Variants in TNFRSF13B observed in about 807,000 individuals in gnomAD.
TNFRSF13B encodes TNF receptor superfamily member 13B, also known as tumor necrosis factor receptor superfamily member 13B.
In TNFRSF13B, 34 loss-of-function variants were observed where a neutral mutation model predicts 24.0. That is an observed-to-expected ratio of 1.41 (90% CI 1.08 to 1.88). The LOEUF is 1.88. Ranked by LOEUF, TNFRSF13B falls within the 40% of genes most tolerant of loss-of-function variation. The pLI, the probability that TNFRSF13B is intolerant of heterozygous loss-of-function variation, is 0.00. For synonymous variants in TNFRSF13B, 173 were observed against 150.3 expected (o/e 1.15, Z -1.10); for missense variants, 415 against 380.8 (o/e 1.09, Z -0.75).
intron 1 of TNFRSF13B, among the ~76,000 whole-genome samples, chr17:16,969,762 A>G (rs1359301209): frequency 6.6e-6 from 1 of 152,178 alleles, no homozygotes; most frequent in Non-Finnish European, 1.5e-5. Flanking sequence ...AAGACTTTCT[A>G]TTATATATCT....
intron 3 of TNFRSF13B, among the ~76,000 whole-genome samples, chr17:16,946,148 G>A (rs2087546051): frequency 6.6e-6 from 1 of 152,232 alleles, no homozygotes; most frequent in Admixed American, 6.5e-5. Context: ...GAGAGCAGGA[G>A]ATGCCAGGCT....
At chr17:16,959,119 A>G (rs2087644561) in intron 1 of TNFRSF13B, among the ~76,000 whole-genome samples, 2 of 152,092 alleles carry the variant, frequency 1.3e-5, no homozygotes, top group African/African-American at 4.8e-5. Flanking sequence ...AAAATTATTC[A>G]AAGTTTCTTT....
At chr17:16,941,844 A>G (rs536480673) in intron 3 of TNFRSF13B, among the ~76,000 whole-genome samples, 7 of 152,134 alleles carry the variant, frequency 4.6e-5, no homozygotes, top group East Asian at 1.9e-4. Flanking sequence ...GACATTTCAT[A>G]TTAATGAAAT....
chr17:16,953,965 C>G (rs561738809), intron 1 of TNFRSF13B, among the ~76,000 whole-genome samples: 1 of 152,184 alleles, frequency 6.6e-6, no homozygotes, highest in African/African-American at 2.4e-5. Context: ...GCGGGTTTCA[C>G]TATGTTGGCC....
intron 3 of TNFRSF13B, chr17:16,941,193 A>C (rs1213677146): frequency 1.9e-5 from 19 of 981,506 alleles, no homozygotes; most frequent in Non-Finnish European, 2.2e-5. Context: ...TTTTCTGAGT[A>C]TTTTCCAGCT....
chr17:16,953,151 G>A (rs1360274672), intron 1 of TNFRSF13B, among the ~76,000 whole-genome samples: 1 of 152,174 alleles, frequency 6.6e-6, no homozygotes, highest in Non-Finnish European at 1.5e-5. Context: ...CTAACTGTGA[G>A]CACCATCTGG....
chr17:16,961,341 C>T (rs776669319), intron 1 of TNFRSF13B, among the ~76,000 whole-genome samples: 1 of 152,130 alleles, frequency 6.6e-6, no homozygotes, highest in Non-Finnish European at 1.5e-5. Context: ...GGAAACAGCC[C>T]AATCGTTTAT....
intron 1 of TNFRSF13B, among the ~76,000 whole-genome samples, chr17:16,966,969 G>T (rs893625307): frequency 2.0e-5 from 3 of 151,344 alleles, no homozygotes; most frequent in Non-Finnish European, 4.4e-5. Flanking sequence ...CTTCCGAGTA[G>T]CTGGGATTAC....
intron 1 of TNFRSF13B, among the ~76,000 whole-genome samples, chr17:16,969,871 C>T (rs544244691): frequency 6.6e-6 from 1 of 152,188 alleles, no homozygotes; most frequent in African/African-American, 2.4e-5. Context: ...AGACCCGATT[C>T]TCCCCACTTT....
intron 1 of TNFRSF13B, among the ~76,000 whole-genome samples, chr17:16,963,923 G>T (rs1328094703): frequency 6.6e-6 from 1 of 152,172 alleles, no homozygotes; most frequent in Non-Finnish European, 1.5e-5. Flanking sequence ...CTCACCAGTG[G>T]GGTAGGGGCA....
At position 16,972,106 on chromosome 17, in the gene TNFRSF13B, T is replaced by G; in HGVS notation, c.-31A>C. On this transcript the variant is annotated 5_prime_UTR_variant, in exon 1 of 5. Coordinates refer to ENST00000261652, the MANE Select transcript of TNFRSF13B (RefSeq NM_012452.3). ...AGGATGCTTATTACTAGTCTTAGAT[T>G]TGATTAGTGCTTGGGCTGCACTTCC... 1 of 1,613,084 alleles carries G rather than the reference T, an allele frequency of 6.2e-7. No homozygotes were observed. The highest frequency in any genetic ancestry group is 1.3e-5 in the African/African-American group (1 of 75,060).
intron 1 of TNFRSF13B, among the ~76,000 whole-genome samples, chr17:16,963,069 A>T (rs2087674177): frequency 6.6e-6 from 1 of 151,984 alleles, no homozygotes; most frequent in African/African-American, 2.4e-5. Context: ...TGGGGCTGGT[A>T]CTCCTTGCTG....
intron 1 of TNFRSF13B, among the ~76,000 whole-genome samples, chr17:16,968,268 GAAAAC>G (rs1357534121): frequency 6.6e-6 from 1 of 151,916 alleles, no homozygotes; most frequent in Non-Finnish European, 1.5e-5. Flanking sequence ...TGGATTGAAA[GAAAAC>G]AAAGCATAGT....
intron 4 of TNFRSF13B, 80 bp from the exon 5 acceptor site, chr17:16,939,877 C>G (rs2087496359): frequency 2.0e-6 from 3 of 1,470,878 alleles, no homozygotes; most frequent in African/African-American, 1.4e-5. Context: ...CAGCCGCACT[C>G]TCCCCCGACC....
Position 16,971,927 on chromosome 17 carries a change from T to A in TNFRSF13B, c.61+88A>T, listed in dbSNP as rs1054013675. 2.0e-5 allele frequency: 28 copies of A among 1,370,620 alleles called. No homozygotes were observed. The African/African-American group carries it at 3.8e-4, about 19-fold the overall frequency. 84.9% of individuals were successfully genotyped at this position (1,370,620 alleles called of 1,614,324 possible). ...GTGGATCTGCTGTGGGCTTTGCACC[T>A]GCTGGACCTTGCAACCCCCACGGCA... On this transcript the variant is annotated intron_variant, in intron 1 of 4. Coordinates refer to ENST00000261652, the MANE Select transcript of TNFRSF13B (RefSeq NM_012452.3).
chr17:16,967,609 G>A (rs879609587), intron 1 of TNFRSF13B, among the ~76,000 whole-genome samples: 3 of 151,316 alleles, frequency 2.0e-5, no homozygotes, highest in African/African-American at 4.9e-5. Context: ...AAAATTAGCC[G>A]GGCATGGTGG....
chr17:16,962,034 G>A (rs990755795), intron 1 of TNFRSF13B, among the ~76,000 whole-genome samples: 2 of 152,154 alleles, frequency 1.3e-5, no homozygotes, highest in Non-Finnish European at 2.9e-5. Flanking sequence ...AAGGTCTAGA[G>A]GGTACTCTAT....
At chr17:16,944,148 C>A (rs958884209) in intron 3 of TNFRSF13B, among the ~76,000 whole-genome samples, 14 of 152,166 alleles carry the variant, frequency 9.2e-5, no homozygotes, top group Admixed American at 9.2e-4. Flanking sequence ...GGAGTGGCCA[C>A]CACACTCCTG....
intron 3 of TNFRSF13B, chr17:16,940,888 G>A: frequency 8.7e-7 from 1 of 1,143,578 alleles, no homozygotes; most frequent in African/African-American, 1.6e-5. Context: ...CCTCCAAGGA[G>A]AAAGCTTCCT....
Sources: allele counts gnomAD v4.1 joint callset (sites outside exome capture counted in the v4.1 genomes callset), GRCh38; gene constraint gnomAD v4.1.1; transcripts MANE v1.5; gene names NCBI Gene and HGNC (gene_info 2026-07-23, HGNC 2026-07-21).